The following SLC39A12 variants were observed in gnomAD, a reference collection of about 807,000 sequenced individuals.
SLC39A12 encodes zinc transporter ZIP12.
A neutral mutation model predicts 71.1 loss-of-function variants in SLC39A12; 63 were observed. The ratio of observed to expected loss-of-function variants is 0.89; its 90% CI spans 0.72 to 1.09. The LOEUF (loss-of-function observed/expected upper bound fraction) is 1.09. Among genes scored for constraint, SLC39A12 ranks in the 50% least tolerant of loss-of-function variants. SLC39A12 has a pLI of 0.00. For missense variants in SLC39A12, 892 were observed against 812.6 expected (o/e 1.10, Z -1.19); for synonymous variants, 351 against 301.3 (o/e 1.16, Z -1.71).
At chr10:17,958,684 T>A (rs1242225400) in intron 2 of SLC39A12, among the ~76,000 whole-genome samples, 3 of 152,198 alleles carry the variant, frequency 2.0e-5, no homozygotes, top group African/African-American at 7.2e-5. Flanking sequence ...TTAGTCTTGG[T>A]TTTCACACAT....
At chr10:17,999,745 A>G (rs1197338490) in intron 10 of SLC39A12, among the ~76,000 whole-genome samples, 1 of 152,180 alleles carries the variant, frequency 6.6e-6, no homozygotes, top group Non-Finnish European at 1.5e-5. Flanking sequence ...GAAAGAAGAA[A>G]ACTTTGAGAA....
intron 12 of SLC39A12, among the ~76,000 whole-genome samples, chr10:18,042,314 C>T (rs1564668881): frequency 6.6e-6 from 1 of 151,652 alleles, no homozygotes; most frequent in African/African-American, 2.4e-5. Context: ...CCCATCTCTA[C>T]AAAAAAATGC....
intron 6 of SLC39A12, among the ~76,000 whole-genome samples, chr10:17,982,371 T>C (rs566258981): frequency 2.0e-5 from 3 of 152,316 alleles, no homozygotes; most frequent in Non-Finnish European, 4.4e-5. Context: ...AACATCCATG[T>C]TATCTAGTAA....
At chr10:17,966,464 C>G (rs1834826850) in intron 4 of SLC39A12, among the ~76,000 whole-genome samples, 1 of 151,990 alleles carries the variant, frequency 6.6e-6, no homozygotes, top group African/African-American at 2.4e-5. Context: ...CTGTGTGTCA[C>G]CATGCCCAGC....
chr10:18,013,346 T>TTTTTTATTATTATTATTATTA (rs57028037), intron 12 of SLC39A12, among the ~76,000 whole-genome samples: 27 of 139,834 alleles, frequency 1.9e-4, no homozygotes, highest in Non-Finnish European at 3.2e-4. Context: ...TCCAACTTTA[T>TTTTTTATTATTATTATTATTA]TTATTATTAT....
intron 3 of SLC39A12, among the ~76,000 whole-genome samples, chr10:17,962,305 C>G (rs1474818771): frequency 6.6e-6 from 1 of 152,208 alleles, no homozygotes; most frequent in African/African-American, 2.4e-5. Context: ...GAAGAAGCAG[C>G]TTGCAAAAAG....
chr10:17,953,054 T>G, intron 1 of SLC39A12, 137 bp from the exon 2 acceptor site: 1 of 567,526 alleles, frequency 1.8e-6, no homozygotes. Context: ...CCATTTGGGG[T>G]TAGAAATTAC....
At chr10:18,003,779 A>G (rs570572903) in intron 12 of SLC39A12, among the ~76,000 whole-genome samples, 3 of 152,366 alleles carry the variant, frequency 2.0e-5, no homozygotes, top group African/African-American at 7.2e-5. Flanking sequence ...ATACAATGCG[A>G]AAGTTCTGTT....
rs550041050 is a variant in SLC39A12 at position 18,011,483 on chromosome 10, A to T, written c.1947+8125A>T. On this transcript the variant is annotated intron_variant, in intron 12 of 12. Coordinates refer to ENST00000377369, the MANE Select transcript of SLC39A12 (RefSeq NM_001145195.2). ...ACACAGAGCATATAAAATATGTGTTAATTGTGTTATTGGTTAGGCTTCTGG... is the reference window on the plus strand; with the variant it reads ...ACACAGAGCATATAAAATATGTGTTTATTGTGTTATTGGTTAGGCTTCTGG... Among the ~76,000 whole-genome samples, 4 of 152,350 alleles carry T rather than the reference A, an allele frequency of 2.6e-5. No homozygotes were observed. In the South Asian group the frequency reaches 8.3e-4, roughly 32 times the overall value.
chr10:18,037,969 A>T (rs1407341153), intron 12 of SLC39A12, among the ~76,000 whole-genome samples: 1 of 139,616 alleles, frequency 7.2e-6, no homozygotes, highest in African/African-American at 2.7e-5. Flanking sequence ...GCCATGAGCC[A>T]AGATCACACC....
chr10:17,993,429 T>G (rs1260643098), intron 9 of SLC39A12, 138 bp downstream of exon 9: 13 of 663,752 alleles, frequency 2.0e-5, no homozygotes, highest in South Asian at 4.1e-5. Context: ...TGATAAATAC[T>G]GTTTAGAAAA....
chr10:17,961,751 A>C lies in SLC39A12; in HGVS notation c.432A>C (p.Leu144=). The change falls in exon 3 of 13, where the codon CTA becomes CTC. Residue 144 remains leucine, a synonymous_variant. Transcript: ENST00000377369. ...NMSNKEYKFY[L]HSLLSLRQDE... ...GTAATAAAGAGTATAAATTTTACCT[A>C]CACAGCCTACTGAGCCTCAGGCAGG... 6.2e-7 allele frequency: 1 copy of C among 1,614,080 alleles called. No individual in the cohort carries two copies. Among genetic ancestry groups the C allele is most frequent in the Non-Finnish European group, 8.5e-7 (1 of 1,179,976 alleles).
At chr10:18,017,476 T>C (rs1258598366) in intron 12 of SLC39A12, among the ~76,000 whole-genome samples, 1 of 152,046 alleles carries the variant, frequency 6.6e-6, no homozygotes, top group East Asian at 1.9e-4. Context: ...GCCCGGCTAA[T>C]TTTTGTATTT....
chr10:17,960,836 A>C (rs1488288365), intron 2 of SLC39A12, among the ~76,000 whole-genome samples: 2 of 152,124 alleles, frequency 1.3e-5, no homozygotes, highest in Non-Finnish European at 2.9e-5. Flanking sequence ...AAGAAGAAAA[A>C]TATAAAATAT....
intron 4 of SLC39A12, among the ~76,000 whole-genome samples, chr10:17,976,453 G>T (rs764705996): frequency 6.6e-6 from 1 of 152,106 alleles, no homozygotes; most frequent in Non-Finnish European, 1.5e-5. Context: ...TTCTCACTCT[G>T]TTGCCCAGGT....
At chr10:18,002,978 A>G in intron 11 of SLC39A12, 193 bp from the exon 12 acceptor site, 2 of 526,698 alleles carry the variant, frequency 3.8e-6, no homozygotes, top group Non-Finnish European at 3.3e-6. Context: ...TTGAAATGCA[A>G]CTTCCTAATA....
At chr10:17,998,396 A>T (rs76692191) in intron 10 of SLC39A12, among the ~76,000 whole-genome samples, 1,762 of 152,344 alleles carry the variant, frequency 0.012, 14 homozygotes, top group Non-Finnish European at 0.018. Flanking sequence ...TGCATGTTGC[A>T]GTGTTGTCAA....
chr10:18,013,535 T>C (rs1487756702), intron 12 of SLC39A12, among the ~76,000 whole-genome samples: 2 of 152,016 alleles, frequency 1.3e-5, no homozygotes, highest in Non-Finnish European at 2.9e-5. Context: ...GCCCAGCTAA[T>C]TTTAAAAAAT....
chr10:17,996,616 T>C (rs978939821), intron 10 of SLC39A12, among the ~76,000 whole-genome samples: 1 of 152,236 alleles, frequency 6.6e-6, no homozygotes, highest in African/African-American at 2.4e-5. Flanking sequence ...AACTGAATTA[T>C]ACAAATGAAG....
Sources: allele counts gnomAD v4.1 joint callset (sites outside exome capture counted in the v4.1 genomes callset), GRCh38; gene constraint gnomAD v4.1.1; transcripts MANE v1.5; gene names NCBI Gene and HGNC (gene_info 2026-07-23, HGNC 2026-07-21).